Variants in KLF8 observed in about 807,000 individuals in gnomAD.
The protein encoded by KLF8 is KLF transcription factor 8.
Under a neutral mutation model 18.2 loss-of-function variants are expected in KLF8, and 10 were observed. That is an observed-to-expected ratio of 0.55 (90% CI 0.34 to 0.93). The LOEUF is 0.93. KLF8 is among the 40% of genes least tolerant of loss of function. The pLI is 0.02. For missense variants in KLF8, 264 were observed against 277.9 expected, an observed-to-expected ratio of 0.95 and a Z score of 0.36; for synonymous variants, 109 against 97.3, an observed-to-expected ratio of 1.12 and a Z score of -0.71.
At chrX:56,187,858 T>C in the KLF8 span, among the ~76,000 whole-genome samples, 1 of 112,034 alleles carries the variant, frequency 8.9e-6, no homozygotes, top group Non-Finnish European at 1.9e-5. Flanking sequence ...AAATTAGGTA[T>C]TGACAGGACG....
At chrX:55,915,212 C>G in the KLF8 span, among the ~76,000 whole-genome samples, 124 of 111,302 alleles carry the variant, frequency 1.1e-3, no homozygotes, top group Non-Finnish European at 1.5e-3. Flanking sequence ...TTTACTATAT[C>G]CATTTGATAA....
intron 2 of KLF8, among the ~76,000 whole-genome samples, chrX:56,264,740 A>G (rs1162933412): frequency 5.4e-5 from 6 of 111,426 alleles, no homozygotes; most frequent in African/African-American, 2.0e-4. Context: ...AGAATGAGTC[A>G]TTCCCTTTTG....
the KLF8 span, among the ~76,000 whole-genome samples, chrX:56,099,242 G>A: frequency 1.8e-5 from 2 of 111,125 alleles, no homozygotes; most frequent in African/African-American, 6.5e-5. Context: ...GGTGATCTGT[G>A]GTAATCTTTG....
chrX:56,242,750 A>AT (rs1322247392), intron 1 of KLF8, among the ~76,000 whole-genome samples: 16 of 111,228 alleles, frequency 1.4e-4, no homozygotes, highest in Non-Finnish European at 3.0e-4. Flanking sequence ...GCCTTCATTT[A>AT]TTTTTGTGGC....
At chrX:55,996,949 C>T in the KLF8 span, among the ~76,000 whole-genome samples, 1 of 112,243 alleles carries the variant, frequency 8.9e-6, no homozygotes, top group Non-Finnish European at 1.9e-5. Context: ...TGTTTGCGTA[C>T]TCATGCCTGA....
chrX:56,001,619 T>C, the KLF8 span, among the ~76,000 whole-genome samples: 3 of 112,195 alleles, frequency 2.7e-5, no homozygotes, highest in African/African-American at 9.7e-5. Flanking sequence ...CAACCAGATT[T>C]CTCAAAAGAC....
At chrX:56,098,146 C>G in the KLF8 span, among the ~76,000 whole-genome samples, 1 of 112,073 alleles carries the variant, frequency 8.9e-6, no homozygotes. Flanking sequence ...TGCTTCCTCC[C>G]TTTCCATGTG....
chrX:56,068,583 C>G, the KLF8 span, among the ~76,000 whole-genome samples: 1 of 111,663 alleles, frequency 9.0e-6, no homozygotes, highest in Admixed American at 9.5e-5. Flanking sequence ...GGCAACCAGG[C>G]AAGCAATGCC....
rs765326067 is a variant in KLF8, at chrX:56,269,312, A to G, written c.647-66A>G. ...CTTCTTAAGGTGGGACAAACTGGGAATCCTGAAAATGATTAAAGAGGCACA... is the reference window on the plus strand; with the variant it reads ...CTTCTTAAGGTGGGACAAACTGGGAGTCCTGAAAATGATTAAAGAGGCACA... On this transcript the variant is annotated intron_variant, in intron 3 of 5. Transcript: ENST00000468660. 2.6e-5 allele frequency: 28 copies of G among 1,085,242 alleles called. No individual in the cohort carries two copies. In the South Asian group the frequency reaches 7.1e-4, roughly 27 times the overall value. The allele number at this position is 1,085,242 out of a possible 1,213,427, so 89.4% of individuals were successfully genotyped here.
chrX:56,161,619 G>T, the KLF8 span, among the ~76,000 whole-genome samples: 1 of 111,732 alleles, frequency 8.9e-6, no homozygotes, highest in East Asian at 2.8e-4. Flanking sequence ...TCAGCTCCAT[G>T]AGGTCCTTTA....
chrX:55,979,164 C>A, the KLF8 span, among the ~76,000 whole-genome samples: 1 of 111,781 alleles, frequency 8.9e-6, no homozygotes, highest in African/African-American at 3.2e-5. Context: ...TTCTCATGGT[C>A]AACCATGGTC....
the KLF8 span, among the ~76,000 whole-genome samples, chrX:56,065,426 G>C: frequency 9.0e-6 from 1 of 110,588 alleles, no homozygotes; most frequent in African/African-American, 3.3e-5. Context: ...ATTTTTTTAT[G>C]ATATCTATTT....
At chrX:55,996,480 C>A in the KLF8 span, among the ~76,000 whole-genome samples, 1 of 111,928 alleles carries the variant, frequency 8.9e-6, no homozygotes, top group Admixed American at 9.5e-5. Flanking sequence ...TCTTTCTCAT[C>A]TGTGTGGGAT....
intron 3 of KLF8, chrX:56,267,896 T>C (rs2066991968): frequency 9.0e-6 from 1 of 111,162 alleles, no homozygotes; most frequent in East Asian, 2.8e-4. Context: ...TCTCTTGAAA[T>C]GTATTCCTCC....
chrX:55,970,950 A>T, the KLF8 span, among the ~76,000 whole-genome samples: 1 of 112,045 alleles, frequency 8.9e-6, no homozygotes, highest in Non-Finnish European at 1.9e-5. Context: ...ATGTTCATGG[A>T]TTGGAAGAAT....
chrX:56,225,597 A>G, the KLF8 span, among the ~76,000 whole-genome samples: 1 of 112,340 alleles, frequency 8.9e-6, no homozygotes, highest in Non-Finnish European at 1.9e-5. Flanking sequence ...GGCATATTTC[A>G]GTTCAACAAA....
chrX:56,039,350 A>G, the KLF8 span, among the ~76,000 whole-genome samples: 3 of 111,744 alleles, frequency 2.7e-5, no homozygotes, highest in African/African-American at 9.8e-5. Flanking sequence ...TGGGTTTTAC[A>G]TTTAAGTCTT....
the KLF8 span, among the ~76,000 whole-genome samples, chrX:56,062,871 C>CT: frequency 8.1e-5 from 9 of 110,571 alleles, no homozygotes; most frequent in Non-Finnish European, 1.5e-4. Flanking sequence ...CCTTTTCATT[C>CT]TTTTTTTTCT....
the KLF8 span, among the ~76,000 whole-genome samples, chrX:56,137,508 A>C: frequency 9.4e-6 from 1 of 106,013 alleles, no homozygotes; most frequent in African/African-American, 3.5e-5. Context: ...CGCAAGAACA[A>C]AAAACCAAAC....
Sources: gnomAD v4.1 joint callset for allele counts (sites outside exome capture counted in the v4.1 genomes callset) on GRCh38, gnomAD v4.1.1 for gene constraint, MANE v1.5 for transcripts, NCBI Gene and HGNC (gene_info 2026-07-23, HGNC 2026-07-21) for gene names.